Variants in SKAP2 observed in about 807,000 individuals in gnomAD.
The protein encoded by SKAP2 is src kinase-associated phosphoprotein 2.
SKAP2 carries 28 observed loss-of-function variants against 54.9 expected under a neutral mutation model. The observed-to-expected ratio is 0.51, with a 90% confidence interval of 0.38 to 0.70. The LOEUF (loss-of-function observed/expected upper bound fraction) is 0.70. Among genes scored for constraint, SKAP2 ranks in the 30% least tolerant of loss-of-function variants. The pLI is 0.00. For missense variants in SKAP2, 356 were observed against 424.1 expected (o/e 0.84, Z 1.41); for synonymous variants, 137 against 134.3 (o/e 1.02, Z -0.14).
intron 9 of SKAP2, among the ~76,000 whole-genome samples, chr7:26,724,469 T>C (rs990487872): frequency 1.3e-5 from 2 of 152,212 alleles, no homozygotes; most frequent in Non-Finnish European, 2.9e-5. Flanking sequence ...CTTGGTATTA[T>C]GCTGTATTGT....
At chr7:26,771,051 T>C (rs1292759102) in intron 4 of SKAP2, among the ~76,000 whole-genome samples, 2 of 152,240 alleles carry the variant, frequency 1.3e-5, no homozygotes, top group African/African-American at 4.8e-5. Flanking sequence ...TCAGGAACCT[T>C]CTAGTTATGA....
At chr7:26,726,306 A>T (rs1787707321) in intron 7 of SKAP2, among the ~76,000 whole-genome samples, 1 of 152,158 alleles carries the variant, frequency 6.6e-6, no homozygotes, top group Non-Finnish European at 1.5e-5. Flanking sequence ...ATTTCTTTAG[A>T]CTGCTGCACA....
intron 3 of SKAP2, among the ~76,000 whole-genome samples, chr7:26,852,000 T>G (rs1349977289): frequency 1.3e-5 from 2 of 152,104 alleles, no homozygotes; most frequent in Admixed American, 1.3e-4. Context: ...TATGCATATA[T>G]GTAAATAAAA....
chr7:26,720,555 A>G (rs1206129306), intron 9 of SKAP2, among the ~76,000 whole-genome samples: 1 of 152,162 alleles, frequency 6.6e-6, no homozygotes, highest in Non-Finnish European at 1.5e-5. Flanking sequence ...CATCTGTATT[A>G]GTCTGTTCTG....
At chr7:26,757,378 G>C (rs1782818234) in intron 4 of SKAP2, among the ~76,000 whole-genome samples, 1 of 152,170 alleles carries the variant, frequency 6.6e-6, no homozygotes, top group South Asian at 2.1e-4. Context: ...TCCAGTTTCA[G>C]CTTTCTACAT....
intron 4 of SKAP2, among the ~76,000 whole-genome samples, chr7:26,805,493 G>A (rs182338187): frequency 5.7e-4 from 87 of 152,262 alleles, no homozygotes; most frequent in South Asian, 1.5e-3. Context: ...TGACATCTGA[G>A]ACTAGGTCAT....
chr7:26,702,740 G>A (rs1159594914), intron 9 of SKAP2, among the ~76,000 whole-genome samples: 4 of 152,138 alleles, frequency 2.6e-5, no homozygotes, highest in Non-Finnish European at 4.4e-5. Flanking sequence ...AGGAATGAAA[G>A]GGATCAAGCA....
In SKAP2 at chr7:26,725,976, G is replaced by A; in HGVS notation, c.605C>T (p.Ala202Val). 2 of 1,609,064 alleles carry A rather than the reference G, an allele frequency of 1.2e-6. No homozygotes were observed. Among genetic ancestry groups the A allele is most frequent in the Non-Finnish European group, 1.7e-6 (2 of 1,176,880 alleles). Residue 202 changes from alanine to valine, a missense_variant, in exon 8 of 13, where the codon GCT (alanine) becomes GTT (valine). Ala to Val is a moderately conservative substitution (Grantham distance 64). Transcript: ENST00000345317. ...CCATTCTTCAGCATCTTTGGGAGAAGCTGCTGTAAACTAATATAAAACAAA... is the reference window on the plus strand; with the variant it reads ...CCATTCTTCAGCATCTTTGGGAGAAACTGCTGTAAACTAATATAAAACAAA... The part of the protein sequence containing the change: ...PDKRIYQFTA[A>V]SPKDAEEWVQ...
chr7:26,767,920 A>G (rs964346058), intron 4 of SKAP2, among the ~76,000 whole-genome samples: 3 of 152,244 alleles, frequency 2.0e-5, no homozygotes, highest in Admixed American at 6.5e-5. Flanking sequence ...TGTGGTGCTG[A>G]GAAGAATGTA....
At chr7:26,854,744 T>C (rs1276880134) in intron 2 of SKAP2, 41 bp downstream of exon 2, 13 of 1,531,102 alleles carry the variant, frequency 8.5e-6, no homozygotes, top group Middle Eastern at 1.7e-4. Context: ...ACAAAACTGC[T>C]TCTATGTAAG....
At chr7:26,814,731 T>C (rs1784228902) in intron 4 of SKAP2, among the ~76,000 whole-genome samples, 1 of 152,122 alleles carries the variant, frequency 6.6e-6, no homozygotes, top group Admixed American at 6.6e-5. Flanking sequence ...AGATGTTTAT[T>C]GTGTTCTAAA....
At chr7:26,733,776 A>C (rs1274039419) in intron 6 of SKAP2, among the ~76,000 whole-genome samples, 2 of 152,300 alleles carry the variant, frequency 1.3e-5, no homozygotes, top group Non-Finnish European at 2.9e-5. Flanking sequence ...AAGATATTAC[A>C]ATGAAAAAAT....
In SKAP2 at chr7:26,844,041, G is replaced by C. The variant is rs763997613; in HGVS notation, c.296C>G (p.Ala99Gly). 6.2e-7 allele frequency: 1 copy of C among 1,600,954 alleles called. No individual in the cohort carries two copies. Among genetic ancestry groups the C allele is most frequent in the South Asian group, 1.1e-5 (1 of 90,782 alleles). ...AAAATGTCACATACCATCAGAGGGG[G>C]CTTCATCGTCTTTATCATATCGTTC... ...ASERYDKDDE[A>G]PSDGAQFPPI... is the part of the protein sequence containing the mutation. Residue 99 changes from alanine to glycine, a missense_variant, in exon 4 of 13, where the codon GCC (alanine) becomes GGC (glycine). By Grantham distance (60) the Ala-to-Gly change is moderately conservative. Transcript: ENST00000345317.
chr7:26,670,029 A>G, intron 12 of SKAP2, 62 bp downstream of exon 12: 1 of 710,784 alleles, frequency 1.4e-6, no homozygotes, highest in Non-Finnish European at 2.6e-6. Context: ...GCAAAGACTC[A>G]TAACGAAGAG....
chr7:26,828,493 C>T (rs370977961), intron 4 of SKAP2, among the ~76,000 whole-genome samples: 13 of 150,012 alleles, frequency 8.7e-5, no homozygotes, highest in African/African-American at 2.9e-4. Context: ...CTGGCTAACA[C>T]GGTGAAACCC....
chr7:26,765,971 A>G (rs989602899), intron 4 of SKAP2, among the ~76,000 whole-genome samples: 1 of 152,126 alleles, frequency 6.6e-6, no homozygotes, highest in African/African-American at 2.4e-5. Context: ...TTGGTTCCAT[A>G]TGAAATTTAC....
Position 26,795,113 on chromosome 7 carries a change from AAAGAG to A in SKAP2, c.307+48912_307+48916del, listed in dbSNP as rs538063004. ...AAACAGAAAATGTCCTAAAAGTTCA[AAAGAG>A]AAGAGTCACAGAAATTCACTGTTAC... On this transcript the variant is annotated intron_variant, in intron 4 of 12. Coordinates refer to ENST00000345317, the MANE Select transcript of SKAP2 (RefSeq NM_003930.5). Among the ~76,000 whole-genome samples the A allele has an allele frequency of 4.9e-4, 74 of 152,348 alleles. No homozygotes were observed. The South Asian group carries it at 0.015, about 32-fold the overall frequency.
At chr7:26,664,175 G>A (rs994461891), downstream of SKAP2, among the ~76,000 whole-genome samples, 1 of 152,156 alleles carries the variant, frequency 6.6e-6, no homozygotes, top group Non-Finnish European at 1.5e-5. Flanking sequence ...GTGAGGCTTG[G>A]TTAGGTAACT....
chr7:26,725,393 T>C, intron 9 of SKAP2, 35 bp downstream of exon 9: 1 of 1,549,966 alleles, frequency 6.5e-7, no homozygotes, highest in Non-Finnish European at 8.9e-7. Flanking sequence ...CACACAGCCC[T>C]AAAATCTTTA....
Sources: gnomAD v4.1 joint callset for allele counts (sites outside exome capture counted in the v4.1 genomes callset) on GRCh38, gnomAD v4.1.1 for gene constraint, MANE v1.5 for transcripts, NCBI Gene and HGNC (gene_info 2026-07-23, HGNC 2026-07-21) for gene names.